Variants in CAPN7 observed in about 807,000 individuals in gnomAD.
CAPN7 encodes the protein calpain-7.
A neutral mutation model predicts 115.2 loss-of-function variants in CAPN7; 72 were observed. The observed-to-expected ratio is 0.63, with a 90% CI of 0.52 to 0.76. The LOEUF is 0.76. Among genes scored for constraint, CAPN7 ranks in the 30% least tolerant of loss-of-function variants. CAPN7 has a pLI of 0.00. For missense variants in CAPN7, 905 were observed against 971.5 expected (o/e 0.93, Z 0.91); for synonymous variants, 344 against 322.3 (o/e 1.07, Z -0.72).
chr3:15,245,446 G>T, intron 16 of CAPN7, 80 bp from the exon 17 acceptor site: 1 of 1,295,658 alleles, frequency 7.7e-7, no homozygotes, highest in South Asian at 1.4e-5. Context: ...GTCCATCCAA[G>T]TAATTATTTT....
At chr3:15,249,719 C>CT (rs1191671831) in intron 19 of CAPN7, among the ~76,000 whole-genome samples, 2 of 151,706 alleles carry the variant, frequency 1.3e-5, no homozygotes, top group Non-Finnish European at 2.9e-5. Context: ...TGTTTCAGGG[C>CT]TTTCTTTCCT....
chr3:15,221,048 T>C, intron 5 of CAPN7, 67 bp downstream of exon 5: 2 of 1,255,056 alleles, frequency 1.6e-6, no homozygotes, highest in Non-Finnish European at 1.1e-6. Context: ...TTTATTTTCA[T>C]TAGGTTTGCT....
chr3:15,223,597 T>C (rs1694128749), intron 6 of CAPN7, 36 bp downstream of exon 6: 1 of 1,241,820 alleles, frequency 8.1e-7, no homozygotes, highest in Admixed American at 2.1e-5. Context: ...AACTCCAATA[T>C]TTTAACTTTT....
At chr3:15,217,321 A>G in intron 2 of CAPN7, 104 bp from the exon 3 acceptor site, 1 of 981,552 alleles carries the variant, frequency 1.0e-6, no homozygotes, top group South Asian at 2.4e-5. Flanking sequence ...TTTTAAATGA[A>G]GAATACAGGG....
chr3:15,230,568 GTCTC>G, intron 9 of CAPN7, 33 bp downstream of exon 9: 1 of 1,215,874 alleles, frequency 8.2e-7, no homozygotes. Flanking sequence ...CCCATCCCTT[GTCTC>G]TCTCCGTTCC....
At chr3:15,243,970 T>G (rs1270512023) in intron 16 of CAPN7, among the ~76,000 whole-genome samples, 3 of 152,196 alleles carry the variant, frequency 2.0e-5, no homozygotes, top group Non-Finnish European at 4.4e-5. Context: ...ACTATTGGAC[T>G]TAGCATCGTG....
chr3:15,212,260 C>T, intron 2 of CAPN7, 48 bp downstream of exon 2: 1 of 1,012,558 alleles, frequency 9.9e-7, no homozygotes, highest in Non-Finnish European at 1.5e-6. Flanking sequence ...TCTTTTCTCC[C>T]ATCATGTCTT....
At chr3:15,224,405 T>C (rs1694186205) in intron 6 of CAPN7, among the ~76,000 whole-genome samples, 1 of 151,986 alleles carries the variant, frequency 6.6e-6, no homozygotes, top group Non-Finnish European at 1.5e-5. Context: ...CTTGTATAGC[T>C]GGGACCGCAG....
At chr3:15,229,114 T>C in intron 8 of CAPN7, 55 bp downstream of exon 8, 1 of 1,293,428 alleles carries the variant, frequency 7.7e-7, no homozygotes, top group Non-Finnish European at 1.1e-6. Context: ...TAACTAGAAA[T>C]TTAAAACTTA....
rs760910420 is a variant in CAPN7 at position 15,245,646 on chromosome 3, A to C, written c.1985A>C (p.Gln662Pro). ...TTAGTGGTTTCTCAATATGAAAAAC[A>C]GAACACAATCCATTACACGGTTCGG... is the stretch of plus-strand genomic sequence containing the variant. ...FTLVVSQYEK[Q>P]NTIHYTVRVY... Residue 662 changes from glutamine to proline, a missense_variant, in exon 17 of 21, where the codon CAG becomes CCG. By Grantham distance (76) the Gln-to-Pro change is moderately conservative (BLOSUM62 -1). Coordinates refer to ENST00000253693, the MANE Select transcript of CAPN7 (RefSeq NM_014296.3). 2 of 1,613,916 alleles carry C rather than the reference A, an allele frequency of 1.2e-6. No homozygotes were observed. The highest frequency in any genetic ancestry group is 2.2e-5 in the South Asian group (2 of 91,064).
chr3:15,247,267 T>G, intron 18 of CAPN7, 60 bp from the exon 19 acceptor site: 1 of 1,245,448 alleles, frequency 8.0e-7, no homozygotes, highest in Non-Finnish European at 1.1e-6. Context: ...AAAGGAGTTT[T>G]GTCTTTAAGT....
At chr3:15,229,561 CTTTTTTTTTTTTTTT>C (rs566957976) in intron 8 of CAPN7, among the ~76,000 whole-genome samples, 4 of 87,836 alleles carry the variant, frequency 4.6e-5, no homozygotes, top group Admixed American at 1.4e-4. Flanking sequence ...TACTTTTTTT[CTTTTTTTTTTTTTTT>C]TTTTTTTTTT....
chr3:15,241,333 T>C, intron 14 of CAPN7, 120 bp from the exon 15 acceptor site: 1 of 971,590 alleles, frequency 1.0e-6, no homozygotes, highest in Non-Finnish European at 1.5e-6. Context: ...CCAAAAAAAT[T>C]TAAAAACAGT....
In CAPN7 at chr3:15,210,596, C is replaced by CTTT. The variant is rs371169868; in HGVS notation, c.103-1493_103-1491dup. 2.0e-3 allele frequency among the ~76,000 whole-genome samples: 213 copies of CTTT among 104,420 alleles called. 18 individuals carry two copies. The highest frequency in any genetic ancestry group is 0.012 in the African/African-American group (194 of 16,474). The allele number at this position is 104,420 out of a possible 152,430, so 68.5% of individuals were successfully genotyped here. A position where few individuals can be genotyped will look rare whatever the true frequency, so the allele number is the denominator to read the frequency against. On this transcript the variant is annotated intron_variant, in intron 1 of 20. Transcript: ENST00000253693. ...TTTTCATTCCTTCCTTGCTTCCTTC[C>CTTT]TTTTTTTTTTTTTTTTTGGACAGTA...
chr3:15,207,068 A>G (rs1211382388), intron 1 of CAPN7, among the ~76,000 whole-genome samples: 2 of 152,188 alleles, frequency 1.3e-5, no homozygotes, highest in East Asian at 3.8e-4. Context: ...TTTCTGAGAA[A>G]TGTGTTCTTA....
At chr3:15,230,596 T>C in intron 9 of CAPN7, 61 bp downstream of exon 9, 1 of 965,462 alleles carries the variant, frequency 1.0e-6, no homozygotes, top group Non-Finnish European at 1.6e-6. Flanking sequence ...CCTTTGAATC[T>C]TGAGTGAAAT....
chr3:15,232,706 A>G (rs534433435), intron 10 of CAPN7, 41 bp downstream of exon 10: 43 of 1,520,956 alleles, frequency 2.8e-5, no homozygotes, highest in Non-Finnish European at 3.5e-5. Flanking sequence ...GATTTAAGCT[A>G]TCTAATATAA....
Position 15,212,149 on chromosome 3 carries a change from C to G in CAPN7, c.148C>G (p.Leu50Val). The change falls in exon 2 of 21, where the codon CTA becomes GTA. Residue 50 changes from leucine (L) to valine (V), a missense_variant. Around this residue, in one of 3 missense-constraint regions of CAPN7, gnomAD observed 271 missense variants for 239.6 expected, o/e 1.13. Transcript: ENST00000253693. ...TTATGCTGAGATGGCAGGATCAAGC[C>G]TAGAAAATATTCAAGAAAAAATAAC... Reference protein sequence around the residue: ...LIYAEMAGSSLENIQEKITEY... With the variant: ...LIYAEMAGSSVENIQEKITEY... 1.2e-6 allele frequency: 2 copies of G among 1,611,238 alleles called. No individual in the cohort carries two copies. Among genetic ancestry groups the G allele is most frequent in the Non-Finnish European group, 1.7e-6 (2 of 1,178,452 alleles).
chr3:15,247,926 C>CA (rs1253799942), intron 19 of CAPN7, among the ~76,000 whole-genome samples: 6 of 151,580 alleles, frequency 4.0e-5, no homozygotes, highest in Non-Finnish European at 8.8e-5. Context: ...ATCGCAAGAA[C>CA]AAAAAACCAA....
Sources: gnomAD v4.1 joint callset for allele counts (sites outside exome capture counted in the v4.1 genomes callset) on GRCh38, gnomAD v4.1.1 for gene constraint, gnomAD v4.1.1 regional missense constraint, MANE v1.5 for transcripts, NCBI Gene and HGNC (gene_info 2026-07-23, HGNC 2026-07-21) for gene names.